The following DACH2 variants were observed in gnomAD, a reference collection of about 807,000 sequenced individuals.
The protein encoded by DACH2 is dachshund homolog 2.
DACH2 carries 17 observed loss-of-function variants against 35.8 expected under a neutral mutation model. The ratio of observed to expected loss-of-function variants is 0.48; its 90% confidence interval spans 0.33 to 0.71. DACH2 has a LOEUF of 0.71. DACH2 is among the 30% of genes least tolerant of loss of function. The pLI, the probability that DACH2 is intolerant of heterozygous loss-of-function variation, is 0.02. For missense variants in DACH2, 469 were observed against 472.7 expected, an observed-to-expected ratio of 0.99 and a Z score of 0.07; for synonymous variants, 195 against 177.3, an observed-to-expected ratio of 1.10 and a Z score of -0.79.
intron 3 of DACH2, 61 bp downstream of exon 3, chrX:86,514,452 A>G (rs191531934): frequency 2.5e-5 from 25 of 995,051 alleles, no homozygotes; most frequent in Admixed American, 2.1e-4. Flanking sequence ...TTTGAAATAA[A>G]CCAATATTGA....
intron 1 of DACH2, among the ~76,000 whole-genome samples, chrX:86,302,586 A>G (rs958148291): frequency 3.6e-5 from 4 of 111,285 alleles, no homozygotes; most frequent in African/African-American, 1.3e-4. Flanking sequence ...CCAAGTCAGA[A>G]AGTTTACCCA....
intron 5 of DACH2, among the ~76,000 whole-genome samples, chrX:86,714,079 T>G (rs943498943): frequency 5.4e-5 from 6 of 111,936 alleles, no homozygotes; most frequent in Non-Finnish European, 1.1e-4. Flanking sequence ...TCTTGTTTTC[T>G]TCTACAGTTC....
chrX:86,603,570 A>T (rs1234895965), intron 3 of DACH2, among the ~76,000 whole-genome samples: 3 of 111,327 alleles, frequency 2.7e-5, no homozygotes, highest in Non-Finnish European at 3.8e-5. Flanking sequence ...CCATCTAGCT[A>T]TGAACCCAGA....
chrX:86,667,552 GAAAGAAAGAAAGA>G (rs1569463680), intron 4 of DACH2, among the ~76,000 whole-genome samples: 12 of 45,503 alleles, frequency 2.6e-4, no homozygotes, highest in East Asian at 2.1e-3. Context: ...AAAGAAGAAA[GAAAGAAAGAAAGA>G]AAGAAAGAAA....
At chrX:86,827,752 T>A in intron 11 of DACH2, 3 of 1,165,306 alleles carry the variant, frequency 2.6e-6, no homozygotes, top group Non-Finnish European at 3.4e-6. Context: ...GGTCTTATTG[T>A]TTTTTCTGTG....
intron 1 of DACH2, among the ~76,000 whole-genome samples, chrX:86,284,493 AT>A (rs2034105197): frequency 9.0e-6 from 1 of 110,876 alleles, no homozygotes; most frequent in Non-Finnish European, 1.9e-5. Context: ...GTTTGCTAGT[AT>A]TTTGTTGAGA....
At chrX:86,453,833 T>C in intron 2 of DACH2, among the ~76,000 whole-genome samples, 1 of 111,237 alleles carries the variant, frequency 9.0e-6, no homozygotes, top group Middle Eastern at 4.6e-3. Context: ...TATTGTTATG[T>C]GTGAATTTGA....
chrX:86,562,306 A>G (rs961518389), intron 3 of DACH2, among the ~76,000 whole-genome samples: 2 of 110,399 alleles, frequency 1.8e-5, no homozygotes, highest in Non-Finnish European at 3.8e-5. Flanking sequence ...TTCCTTCTCA[A>G]TTTATCTGTG....
At chrX:86,567,620 T>G (rs2039308682) in intron 3 of DACH2, among the ~76,000 whole-genome samples, 1 of 111,640 alleles carries the variant, frequency 9.0e-6, no homozygotes, top group Admixed American at 9.6e-5. Context: ...TTTCTACATA[T>G]CTCCCACAGA....
At chrX:86,725,001 A>G (rs1027318502) in intron 6 of DACH2, among the ~76,000 whole-genome samples, 2 of 105,232 alleles carry the variant, frequency 1.9e-5, no homozygotes, top group African/African-American at 3.4e-5. Context: ...TATATCCTTC[A>G]ATGAACTTTT....
At chrX:86,495,157 C>T (rs976955954) in intron 2 of DACH2, among the ~76,000 whole-genome samples, 2 of 110,718 alleles carry the variant, frequency 1.8e-5, no homozygotes, top group Non-Finnish European at 3.8e-5. Context: ...AAGTGATTCT[C>T]CTGCCTCAGC....
rs373589967 is a variant in DACH2 at position 86,235,014 on chromosome X, C to T, written c.488+85906C>T. Reference sequence around the variant, plus strand: ...CTGTTCTGTGATTTCATCCAGGATACCACATTCCATTTAGTTGTCATGTTT... The same window carrying T: ...CTGTTCTGTGATTTCATCCAGGATATCACATTCCATTTAGTTGTCATGTTT... On this transcript the variant is annotated intron_variant, in intron 1 of 11. Transcript: ENST00000373125. Among the ~76,000 whole-genome samples the T allele has an allele frequency of 3.6e-5, 4 of 112,056 alleles. No homozygotes were observed. In the South Asian group the frequency reaches 1.5e-3, roughly 42 times the overall value.
At chrX:86,745,953 A>C (rs2041707735) in intron 7 of DACH2, among the ~76,000 whole-genome samples, 1 of 111,313 alleles carries the variant, frequency 9.0e-6, no homozygotes, top group African/African-American at 3.3e-5. Context: ...ATGGTATCTC[A>C]TAGTGGTTTT....
chrX:86,659,016 G>T (rs2040575211), intron 4 of DACH2, among the ~76,000 whole-genome samples: 1 of 111,109 alleles, frequency 9.0e-6, no homozygotes, highest in Admixed American at 9.6e-5. Flanking sequence ...GAGAATCAAA[G>T]TGTATATGGT....
intron 4 of DACH2, among the ~76,000 whole-genome samples, chrX:86,666,807 A>G (rs2040674786): frequency 1.8e-5 from 2 of 111,818 alleles, no homozygotes; most frequent in African/African-American, 3.3e-5. Flanking sequence ...GTCTGTAAAG[A>G]AACTTTAGAA....
intron 4 of DACH2, among the ~76,000 whole-genome samples, chrX:86,660,281 G>T (rs1297442309): frequency 9.1e-6 from 1 of 110,389 alleles, no homozygotes; most frequent in Non-Finnish European, 1.9e-5. Flanking sequence ...CTCCCAGGCT[G>T]TCATTCTGTC....
At chrX:86,773,352 T>G (rs1025688581) in intron 7 of DACH2, among the ~76,000 whole-genome samples, 2 of 111,745 alleles carry the variant, frequency 1.8e-5, no homozygotes, top group Non-Finnish European at 3.8e-5. Context: ...AGAGTAAAAT[T>G]TAGACATTGG....
chrX:86,580,361 A>G (rs750733963), intron 3 of DACH2, among the ~76,000 whole-genome samples: 1 of 111,895 alleles, frequency 8.9e-6, no homozygotes, highest in South Asian at 3.7e-4. Context: ...CTAGTTCCTG[A>G]ACTAGTATTG....
intron 3 of DACH2, among the ~76,000 whole-genome samples, chrX:86,640,311 T>G (rs1056699018): frequency 9.0e-6 from 1 of 110,875 alleles, no homozygotes; most frequent in East Asian, 2.9e-4. Context: ...ACCCCCAGAC[T>G]AATGAAGAAG....
Sources: allele counts gnomAD v4.1 joint callset (sites outside exome capture counted in the v4.1 genomes callset), GRCh38; gene constraint gnomAD v4.1.1; transcripts MANE v1.5; gene names NCBI Gene and HGNC (gene_info 2026-07-23, HGNC 2026-07-21).